Variants in DLGAP1 observed in about 807,000 individuals in gnomAD.
DLGAP1 encodes disks large-associated protein 1.
DLGAP1 carries 11 observed loss-of-function variants against 90.8 expected under a neutral mutation model. The observed-to-expected ratio is 0.12, with a 90% confidence interval of 0.08 to 0.20. The LOEUF (loss-of-function observed/expected upper bound fraction) is 0.20, where lower values mean the gene tolerates loss of function less well. Ranked by LOEUF, DLGAP1 falls within the 10% of genes least tolerant of loss-of-function variation. DLGAP1 has a pLI of 1.00. For synonymous variants in DLGAP1, 558 were observed against 540.7 expected (o/e 1.03, Z -0.44); for missense variants, 1,050 against 1,333.8 (o/e 0.79, Z 3.31).
At chr18:3,977,957 C>A in intron 3 of DLGAP1, 1 of 358,926 alleles carries the variant, frequency 2.8e-6, no homozygotes. Context: ...AGTAAGCTTT[C>A]TATTCAGCTC....
At position 3,749,344 on chromosome 18, in the gene DLGAP1, G is replaced by T. The variant is rs1223411035; in HGVS notation, c.1173-6832C>A. On this transcript the variant is annotated intron_variant, in intron 5 of 12. Coordinates refer to ENST00000315677, the MANE Select transcript of DLGAP1 (RefSeq NM_004746.4). ...TTTTTGTATTTCTAGTAGAGAGGGG[G>T]GTTTCACCATTTTGGTCAGGCTGAT... Among the ~76,000 whole-genome samples the T allele has an allele frequency of 2.0e-5, 3 of 151,646 alleles. No individual in the cohort carries two copies. The East Asian group carries it at 5.9e-4, about 30-fold the overall frequency.
chr18:4,039,557 G>A (rs2074944820), intron 2 of DLGAP1, among the ~76,000 whole-genome samples: 1 of 152,160 alleles, frequency 6.6e-6, no homozygotes, highest in Non-Finnish European at 1.5e-5. Flanking sequence ...CAATGGCAAA[G>A]CAGACAGAAT....
chr18:3,810,328 C>A (rs368376990), intron 5 of DLGAP1, among the ~76,000 whole-genome samples: 1 of 152,106 alleles, frequency 6.6e-6, no homozygotes, highest in South Asian at 2.1e-4. Context: ...CATAAATAAA[C>A]CCTCAAGATG....
intron 1 of DLGAP1, among the ~76,000 whole-genome samples, chr18:4,248,102 C>G (rs1335870093): frequency 6.6e-6 from 1 of 152,110 alleles, no homozygotes. Context: ...AGACTTGGCA[C>G]TTGAGTTCCC....
intron 2 of DLGAP1, among the ~76,000 whole-genome samples, chr18:4,008,397 C>T (rs991030961): frequency 2.6e-5 from 4 of 152,056 alleles, no homozygotes; most frequent in East Asian, 3.9e-4. Flanking sequence ...TACCTATTTT[C>T]GCAAGGTATT....
intron 1 of DLGAP1, among the ~76,000 whole-genome samples, chr18:4,305,545 A>G (rs2080230452): frequency 6.6e-6 from 1 of 151,760 alleles, no homozygotes; most frequent in South Asian, 2.1e-4. Flanking sequence ...AAAAAAAAAA[A>G]AAAAAAGGAA....
chr18:4,333,311 T>C (rs1742207554), intron 1 of DLGAP1, among the ~76,000 whole-genome samples: 1 of 151,930 alleles, frequency 6.6e-6, no homozygotes, highest in Non-Finnish European at 1.5e-5. Context: ...GTTCAAGATC[T>C]AGCAGGCTAG....
intron 7 of DLGAP1, among the ~76,000 whole-genome samples, chr18:3,621,558 A>G (rs1276470039): frequency 6.6e-6 from 1 of 152,190 alleles, no homozygotes; most frequent in East Asian, 1.9e-4. Flanking sequence ...AACTGTTCAA[A>G]CCGTGTTCAA....
At chr18:3,802,251 G>A (rs1194162096) in intron 5 of DLGAP1, among the ~76,000 whole-genome samples, 1 of 148,332 alleles carries the variant, frequency 6.7e-6, no homozygotes, top group Non-Finnish European at 1.5e-5. Flanking sequence ...CCAAAGTGTT[G>A]GGATTACAGG....
intron 10 of DLGAP1, among the ~76,000 whole-genome samples, chr18:3,514,657 C>T (rs184225449): frequency 3.6e-4 from 55 of 152,230 alleles, no homozygotes; most frequent in Non-Finnish European, 5.9e-4. Context: ...TTTTTTGTTT[C>T]CCAGTGCATA....
At chr18:3,908,132 A>G (rs1199405694) in intron 3 of DLGAP1, among the ~76,000 whole-genome samples, 2 of 152,226 alleles carry the variant, frequency 1.3e-5, no homozygotes, top group Non-Finnish European at 2.9e-5. Flanking sequence ...TTTAACAGTC[A>G]TTCAGTGCCA....
rs748563333 is a variant in DLGAP1 at position 3,729,188 on chromosome 18, G to A, written c.1538C>T (p.Ser513Leu). 1.1e-5 allele frequency: 18 copies of A among 1,613,668 alleles called. No homozygotes were observed. The East Asian group carries it at 3.1e-4, about 28-fold the overall frequency. ...GGTGGTGGTGCGCGGCGGCGAGGAC[G>A]ACCTCAGGGACACGCACTCGTCGTC... ...SQDDECVSLR[S>L]SSPPRTTTTV... Residue 513 changes from serine (S) to leucine (L), a missense_variant, in exon 7 of 13, where the codon TCG becomes TTG. Physicochemically the swap from Ser to Leu is moderately radical, Grantham distance 145. Coordinates refer to ENST00000315677, the MANE Select transcript of DLGAP1 (RefSeq NM_004746.4). The surrounding 1 kb of genome is among the most constrained non-coding windows in gnomAD (Gnocchi z 6.2).
At chr18:4,236,364 T>C (rs1000003977) in intron 1 of DLGAP1, among the ~76,000 whole-genome samples, 3 of 152,180 alleles carry the variant, frequency 2.0e-5, no homozygotes, top group African/African-American at 7.2e-5. Context: ...ATCAAGTCCA[T>C]TATGTCTCTT....
At chr18:3,737,168 T>C (rs2062681011) in intron 6 of DLGAP1, among the ~76,000 whole-genome samples, 1 of 148,596 alleles carries the variant, frequency 6.7e-6, no homozygotes, top group African/African-American at 2.5e-5. Context: ...CCAGATGGAT[T>C]CACAGCCGAA....
chr18:4,293,675 A>T (rs2079903872), intron 1 of DLGAP1: 1 of 152,192 alleles, frequency 6.6e-6, no homozygotes, highest in African/African-American at 2.4e-5. Flanking sequence ...TATCTTTATG[A>T]CAAAAAACTT....
rs1367164135 is a variant in DLGAP1 at position 3,508,636 on chromosome 18, C to T, written c.2505G>A (p.Val835=). 1.2e-6 allele frequency: 2 copies of T among 1,613,794 alleles called. No individual in the cohort carries two copies. The highest frequency in any genetic ancestry group is 2.7e-5 in the African/African-American group (2 of 74,918). ...EDILGKIRTA[V]GSAQLLMAQK... ...GGGCCATGAGAAGTTGGGCACTGCC[C>T]ACTGCGGTTCGGATTTTTCCTAGAA... The change falls in exon 11 of 13, where the codon GTG becomes GTA. Residue 835 remains valine, a synonymous_variant. Transcript: ENST00000315677.
Position 4,378,613 on chromosome 18 carries a change from G to A in DLGAP1, c.-267+76393C>T, listed in dbSNP as rs189545445. Among the ~76,000 whole-genome samples, 2 of 152,186 alleles carry A rather than the reference G, an allele frequency of 1.3e-5. No individual in the cohort carries two copies. Among genetic ancestry groups the A allele is most frequent in the African/African-American group, 4.8e-5 (2 of 41,544 alleles). ...CTTAGAGTGCTTAAGAATCCATGGT[G>A]GGGAGGCACACTACACAATTTGAAA... On this transcript the variant is annotated intron_variant, in intron 1 of 12. Coordinates refer to ENST00000315677, the MANE Select transcript of DLGAP1 (RefSeq NM_004746.4). This position sits in a 1 kb window ranked among gnomAD's most constrained non-coding sequence, Gnocchi z 4.5.
chr18:3,962,545 C>G (rs571581072), intron 3 of DLGAP1: 19 of 152,234 alleles, frequency 1.2e-4, no homozygotes, highest in African/African-American at 4.6e-4. Flanking sequence ...GGGAAATTTT[C>G]TTTTAATTTG....
intron 1 of DLGAP1, among the ~76,000 whole-genome samples, chr18:4,172,648 A>C (rs1416791386): frequency 6.6e-6 from 1 of 152,238 alleles, no homozygotes; most frequent in African/African-American, 2.4e-5. Context: ...AAGGGTGCTG[A>C]AATAACCAAT....
Sources: gnomAD v4.1 joint callset for allele counts (sites outside exome capture counted in the v4.1 genomes callset) on GRCh38, gnomAD v4.1.1 for gene constraint, Gnocchi (gnomAD v3.1) non-coding constraint, MANE v1.5 for transcripts, NCBI Gene and HGNC (gene_info 2026-07-23, HGNC 2026-07-21) for gene names.